Variants in CDKL4 observed in about 807,000 individuals in gnomAD.
CDKL4 encodes cyclin dependent kinase like 4, also known as cyclin-dependent kinase-like 4.
Under a neutral mutation model 42.0 loss-of-function variants are expected in CDKL4, and 44 were observed. The ratio of observed to expected loss-of-function variants is 1.05; its 90% CI spans 0.82 to 1.35. The LOEUF is 1.35. Among genes scored for constraint, CDKL4 ranks in the 40% most tolerant of loss-of-function variants. The pLI is 0.00. For synonymous variants in CDKL4, 120 were observed against 121.6 expected, an observed-to-expected ratio of 0.99 and a Z score of 0.09; for missense variants, 393 against 369.9, an observed-to-expected ratio of 1.06 and a Z score of -0.51.
At chr2:39,179,642 A>G (rs1443143194) in intron 8 of CDKL4, among the ~76,000 whole-genome samples, 1 of 152,210 alleles carries the variant, frequency 6.6e-6, no homozygotes, top group Non-Finnish European at 1.5e-5. Flanking sequence ...TAGTCCCTGG[A>G]CTAAAAACAT....
At position 39,187,788 on chromosome 2, in the gene CDKL4, C is replaced by T; in HGVS notation, c.653-79G>A. On this transcript the variant is annotated intron_variant, in intron 6 of 9. Coordinates refer to ENST00000451199, the Ensembl canonical transcript of CDKL4. Reference sequence around the variant, plus strand: ...TGTTTAAATGGTTAATGCCTGAAGGCCAGGCATGGTGGCTCACACCTGTAA... The same window carrying T: ...TGTTTAAATGGTTAATGCCTGAAGGTCAGGCATGGTGGCTCACACCTGTAA... 2 of 916,128 alleles carry T rather than the reference C, an allele frequency of 2.2e-6. 1 individual carries two copies. The highest frequency in any genetic ancestry group is 2.9e-5 in the South Asian group (2 of 68,562). The allele number at this position is 916,128 out of a possible 1,614,324, so 56.7% of individuals were successfully genotyped here.
intron 3 of CDKL4, among the ~76,000 whole-genome samples, chr2:39,220,794 C>G (rs1438792162): frequency 6.7e-6 from 1 of 150,064 alleles, no homozygotes; most frequent in Non-Finnish European, 1.5e-5. Context: ...ACCATGTTGG[C>G]CAGGATGGTC....
chr2:39,211,098 T>C (rs2148349067), intron 4 of CDKL4, among the ~76,000 whole-genome samples: 1 of 152,312 alleles, frequency 6.6e-6, no homozygotes, highest in Middle Eastern at 3.4e-3. Context: ...TCAAAAGGGC[T>C]AGATATATTT....
At position 39,209,632 on chromosome 2, in the gene CDKL4, T is replaced by C. The variant is rs73930547; in HGVS notation, c.363+3768A>G. Among the ~76,000 whole-genome samples, 1,498 of 152,308 alleles carry C rather than the reference T, an allele frequency of 9.8e-3. 31 individuals are homozygous for C. Among genetic ancestry groups the C allele is most frequent in the African/African-American group, 0.034 (1,397 of 41,554 alleles). The stretch of plus-strand genomic sequence containing the variant: ...GCTCCCAGGTGATCTCTATGAACCA[T>C]AGTTGGAGTAGCAAGGCCTGAATCC... On this transcript the variant is annotated intron_variant, in intron 4 of 9. Coordinates refer to ENST00000451199, the Ensembl canonical transcript of CDKL4.
chr2:39,217,627 C>A (rs144486616), intron 3 of CDKL4, among the ~76,000 whole-genome samples: 1 of 152,108 alleles, frequency 6.6e-6, no homozygotes, highest in Non-Finnish European at 1.5e-5. Flanking sequence ...ACTTTATCTC[C>A]TATCACATCC....
intron 5 of CDKL4, among the ~76,000 whole-genome samples, chr2:39,196,178 G>C (rs1169787010): frequency 6.6e-6 from 1 of 152,162 alleles, no homozygotes; most frequent in African/African-American, 2.4e-5. Flanking sequence ...CATAAAACTA[G>C]TGCGCATAAC....
rs149060421 is a variant in CDKL4 at position 39,192,506 on chromosome 2, G to A, written c.455-2004C>T. Among the ~76,000 whole-genome samples the A allele has an allele frequency of 1.9e-3, 291 of 150,866 alleles. 2 individuals are homozygous for A. Among genetic ancestry groups the A allele is most frequent in the African/African-American group, 6.9e-3 (283 of 41,200 alleles). ...CTCCTGAGTAGCTGGGACTATAGGGGCTTGAAACCATGCCTGGTTAATTTA... is the reference window on the plus strand; with the variant it reads ...CTCCTGAGTAGCTGGGACTATAGGGACTTGAAACCATGCCTGGTTAATTTA... On this transcript the variant is annotated intron_variant, in intron 5 of 9. Coordinates refer to ENST00000451199, the Ensembl canonical transcript of CDKL4.
chr2:39,237,663 C>A (rs1210002535), intron 1 of CDKL4, among the ~76,000 whole-genome samples: 1 of 151,996 alleles, frequency 6.6e-6, no homozygotes, highest in Non-Finnish European at 1.5e-5. Flanking sequence ...TGAGAGCAGC[C>A]TGAGTAACAC....
intron 8 of CDKL4, among the ~76,000 whole-genome samples, 181 bp from the exon 9 acceptor site, chr2:39,179,502 T>A (rs1006006340): frequency 2.0e-5 from 3 of 152,222 alleles, no homozygotes; most frequent in African/African-American, 7.2e-5. Context: ...TACTTCAAAG[T>A]CTTTTGAGGG....
At chr2:39,199,841 G>T (rs1391017258) in intron 5 of CDKL4, among the ~76,000 whole-genome samples, 2 of 151,878 alleles carry the variant, frequency 1.3e-5, no homozygotes, top group African/African-American at 2.4e-5. Context: ...CATATCTTAA[G>T]GTAATAAAAA....
intron 7 of CDKL4, 75 bp from the exon 8 acceptor site, chr2:39,184,722 A>G (rs113482722): frequency 6.0e-5 from 46 of 760,994 alleles, no homozygotes; most frequent in African/African-American, 3.9e-4. Flanking sequence ...GTGCGTATGT[A>G]TGTGTGTGTG....
chr2:39,191,593 A>C (rs1676187900), intron 5 of CDKL4, among the ~76,000 whole-genome samples: 1 of 152,208 alleles, frequency 6.6e-6, no homozygotes, highest in Admixed American at 6.5e-5. Context: ...ATGCAGCACT[A>C]GACAATTGCA....
At chr2:39,216,394 G>A (rs1365009140) in intron 3 of CDKL4, among the ~76,000 whole-genome samples, 1 of 152,170 alleles carries the variant, frequency 6.6e-6, no homozygotes, top group Non-Finnish European at 1.5e-5. Context: ...AAGAAGCCAG[G>A]AAGGTTGGCA....
chr2:39,201,354 A>G (rs1413135541), intron 5 of CDKL4, among the ~76,000 whole-genome samples: 2 of 151,576 alleles, frequency 1.3e-5, no homozygotes, highest in Non-Finnish European at 3.0e-5. Flanking sequence ...AAAAGGGAAC[A>G]CTTTTACACT....
At chr2:39,225,118 A>T (rs532165785) in intron 3 of CDKL4, among the ~76,000 whole-genome samples, 1 of 152,278 alleles carries the variant, frequency 6.6e-6, no homozygotes, top group African/African-American at 2.4e-5. Context: ...TGAGTATAAC[A>T]TTGGCAGTTG....
chr2:39,199,074 A>C (rs36038769), intron 5 of CDKL4, among the ~76,000 whole-genome samples: 5,367 of 152,238 alleles, frequency 0.035, 137 homozygotes, highest in South Asian at 0.063. Context: ...AAGATAAATA[A>C]AATTGATAGG....
chr2:39,187,559 A>T, intron 7 of CDKL4, 68 bp downstream of exon 7: 1 of 1,114,074 alleles, frequency 9.0e-7, no homozygotes, highest in Non-Finnish European at 1.3e-6. Context: ...TAAATAAATA[A>T]ATAACAACTA....
intron 1 of CDKL4, among the ~76,000 whole-genome samples, chr2:39,231,537 C>A (rs553246002): frequency 3.0e-4 from 45 of 152,110 alleles, no homozygotes; most frequent in Non-Finnish European, 4.9e-4. Flanking sequence ...GGAATGAATT[C>A]GATTTCCTCT....
At chr2:39,236,193 G>T (rs1553395422) in intron 1 of CDKL4, among the ~76,000 whole-genome samples, 2 of 145,840 alleles carry the variant, frequency 1.4e-5, no homozygotes, top group South Asian at 4.3e-4. Context: ...AAATCCTGTA[G>T]ATGGGACAAA....
Sources: gnomAD v4.1 joint callset for allele counts (sites outside exome capture counted in the v4.1 genomes callset) on GRCh38, gnomAD v4.1.1 for gene constraint, MANE v1.5 for transcripts, NCBI Gene and HGNC (gene_info 2026-07-23, HGNC 2026-07-21) for gene names.